NFKB1: variants seen among roughly 807,000 people sequenced by gnomAD.
The protein encoded by NFKB1 is nuclear factor NF-kappa-B p105 subunit.
A neutral mutation model predicts 105.1 loss-of-function variants in NFKB1; 9 were observed. That is an observed-to-expected ratio of 0.09 (90% CI 0.05 to 0.15). NFKB1 has a LOEUF of 0.15. Among genes scored for constraint, NFKB1 ranks in the 10% least tolerant of loss-of-function variants. The probability of loss-of-function intolerance (pLI) is 1.00; values close to 1 mark genes in which losing one functional copy is unlikely to be tolerated. For missense variants in NFKB1, 830 were observed against 1,203.7 expected (o/e 0.69, Z 4.59); for synonymous variants, 440 against 442.2 (o/e 1.00, Z 0.06).
chr4:102,584,124 T>A (rs1725529825), intron 10 of NFKB1, among the ~76,000 whole-genome samples: 1 of 152,218 alleles, frequency 6.6e-6, no homozygotes. Context: ...CACTGTATGC[T>A]TTTTTATATT....
intron 6 of NFKB1, among the ~76,000 whole-genome samples, chr4:102,570,669 A>G (rs1398097948): frequency 1.3e-5 from 2 of 152,340 alleles, no homozygotes; most frequent in Non-Finnish European, 1.5e-5. Context: ...AAAAATCACA[A>G]GCATTCCTAT....
Position 102,582,972 on chromosome 4 carries a change from A to G in NFKB1, c.927+15A>G, listed in dbSNP as rs372068613. The G allele has an allele frequency of 1.8e-5, 27 of 1,529,662 alleles. No homozygotes were observed. The highest frequency in any genetic ancestry group is 2.2e-5 in the Non-Finnish European group (24 of 1,107,264). 94.8% of individuals were successfully genotyped at this position (1,529,662 alleles called of 1,614,324 possible). A position where few individuals can be genotyped will look rare whatever the true frequency, so the allele number is the denominator to read the frequency against. On this transcript the variant is annotated intron_variant, in intron 10 of 23. Transcript: ENST00000226574. ...TTCATAGACAAGTAAGTGATTTATT[A>G]TTATTATTAATCCTTATTATTTTTA...
At chr4:102,567,890 A>G (rs1724007641) in intron 6 of NFKB1, among the ~76,000 whole-genome samples, 1 of 152,232 alleles carries the variant, frequency 6.6e-6, no homozygotes, top group Non-Finnish European at 1.5e-5. Flanking sequence ...AGCACACAAT[A>G]CAAACTGATA....
intron 5 of NFKB1, among the ~76,000 whole-genome samples, chr4:102,544,552 G>C (rs1370738945): frequency 9.9e-5 from 15 of 152,130 alleles, no homozygotes; most frequent in Non-Finnish European, 1.5e-5. Context: ...CTGTGTGTCA[G>C]GTACTGCTCT....
At chr4:102,600,082 G>A (rs146692380) in intron 15 of NFKB1, among the ~76,000 whole-genome samples, 117 of 152,276 alleles carry the variant, frequency 7.7e-4, no homozygotes, top group African/African-American at 2.7e-3. Flanking sequence ...GACAGAGAAC[G>A]AGAAAAATGT....
At chr4:102,584,269 A>G (rs1406569348) in intron 10 of NFKB1, among the ~76,000 whole-genome samples, 1 of 152,128 alleles carries the variant, frequency 6.6e-6, no homozygotes, top group Non-Finnish European at 1.5e-5. Context: ...TCTTCTCTTC[A>G]TCACTGGCCT....
At chr4:102,555,224 C>A (rs1722897728) in intron 5 of NFKB1, among the ~76,000 whole-genome samples, 1 of 152,188 alleles carries the variant, frequency 6.6e-6, no homozygotes, top group African/African-American at 2.4e-5. Flanking sequence ...CCTGTTGGGC[C>A]CCACTGTCCT....
intron 2 of NFKB1, among the ~76,000 whole-genome samples, chr4:102,528,642 C>T (rs138051242): frequency 3.5e-4 from 54 of 152,276 alleles, no homozygotes; most frequent in African/African-American, 1.3e-3. Flanking sequence ...TGTCCACAGA[C>T]ATTTCAAACA....
At chr4:102,615,693 C>A (rs1033400916) in intron 23 of NFKB1, among the ~76,000 whole-genome samples, 2 of 152,080 alleles carry the variant, frequency 1.3e-5, no homozygotes, top group Non-Finnish European at 2.9e-5. Context: ...TAATAGACAC[C>A]AAATAAAGAT....
rs4647984 is a variant in NFKB1, at chr4:102,525,574, C to G, written c.39+17C>G. 1,387 of 1,598,844 alleles carry G rather than the reference C, an allele frequency of 8.7e-4. 26 individuals carry two copies. In the Admixed American group the frequency reaches 0.022, roughly 25 times the overall value. On this transcript the variant is annotated intron_variant, in intron 2 of 23. Transcript: ENST00000226574. ...CCTGAACAAGTAAGTGTCATAATCT[C>G]ACTGATAACTTTATTTAAATATATT... is the stretch of plus-strand genomic sequence containing the variant.
chr4:102,571,836 A>G (rs964663107), intron 6 of NFKB1, among the ~76,000 whole-genome samples: 2 of 152,216 alleles, frequency 1.3e-5, no homozygotes, highest in Non-Finnish European at 2.9e-5. Flanking sequence ...TCGAAACAAC[A>G]GGTGCTGGAG....
intron 5 of NFKB1, among the ~76,000 whole-genome samples, chr4:102,555,126 C>T (rs1250355798): frequency 3.3e-5 from 5 of 152,120 alleles, no homozygotes; most frequent in African/African-American, 9.7e-5. Flanking sequence ...TTTGCTAGGA[C>T]TTTGCAGAAA....
At chr4:102,572,439 C>T (rs1724455734) in intron 6 of NFKB1, among the ~76,000 whole-genome samples, 1 of 152,104 alleles carries the variant, frequency 6.6e-6, no homozygotes, top group African/African-American at 2.4e-5. Flanking sequence ...AACAAACCTG[C>T]ACATTGTGCA....
chr4:102,592,385 T>C (rs1726248199), intron 11 of NFKB1, among the ~76,000 whole-genome samples: 1 of 152,128 alleles, frequency 6.6e-6, no homozygotes, highest in South Asian at 2.1e-4. Context: ...ACAAATTTCA[T>C]TTTTGTCTTA....
chr4:102,533,964 A>G, intron 4 of NFKB1, 79 bp downstream of exon 4: 1 of 1,200,984 alleles, frequency 8.3e-7, no homozygotes, highest in South Asian at 1.3e-5. Flanking sequence ...AGAATAGTAA[A>G]TGAGTTCTAT....
intron 5 of NFKB1, among the ~76,000 whole-genome samples, chr4:102,542,501 T>G (rs779464954): frequency 6.6e-6 from 1 of 151,896 alleles, no homozygotes; most frequent in African/African-American, 2.4e-5. Context: ...TTGATAGCTC[T>G]CTCTCTCTCT....
chr4:102,549,793 A>G (rs1321177317), intron 5 of NFKB1, among the ~76,000 whole-genome samples: 1 of 151,542 alleles, frequency 6.6e-6, no homozygotes, highest in Non-Finnish European at 1.5e-5. Flanking sequence ...GTTTTCCTTG[A>G]CTCCTCTCTT....
intron 1 of NFKB1, among the ~76,000 whole-genome samples, chr4:102,521,895 T>G (rs1740599919): frequency 6.6e-6 from 1 of 152,242 alleles, no homozygotes; most frequent in Admixed American, 6.5e-5. Flanking sequence ...AGCAATTCAC[T>G]GGCTATTTTA....
chr4:102,596,274 T>G lies in NFKB1; in HGVS notation c.1437T>G (p.Asn479Lys). 2 of 1,613,748 alleles carry G rather than the reference T, an allele frequency of 1.2e-6. No homozygotes were observed. The highest frequency in any genetic ancestry group is 1.7e-6 in the Non-Finnish European group (2 of 1,179,712). The change falls in exon 14 of 24, where the codon AAT (asparagine) becomes AAG (lysine). Residue 479 changes from asparagine to lysine, a missense_variant. Physicochemically the swap from Asn to Lys is moderately conservative, Grantham distance 94 (BLOSUM62 0). Coordinates refer to ENST00000226574, the MANE Select transcript of NFKB1 (RefSeq NM_003998.4). Reference protein sequence around the residue: ...DQEPSEATVGNGEVTLTYATG... With the variant: ...DQEPSEATVGKGEVTLTYATG... ...AGCCCAGCGAGGCCACCGTTGGGAA[T>G]GGTGAGGTCACTCTAACGTATGCAA... is the stretch of plus-strand genomic sequence containing the variant.
Sources: gnomAD v4.1 joint callset for allele counts (sites outside exome capture counted in the v4.1 genomes callset) on GRCh38, gnomAD v4.1.1 for gene constraint, MANE v1.5 for transcripts, NCBI Gene and HGNC (gene_info 2026-07-23, HGNC 2026-07-21) for gene names.